NIPAL3: variants seen among roughly 807,000 people sequenced by gnomAD.
The protein encoded by NIPAL3 is NIPA-like protein 3.
In NIPAL3, 41 loss-of-function variants were observed where a neutral mutation model predicts 47.2. The observed-to-expected ratio is 0.87, with a 90% CI of 0.68 to 1.13. The LOEUF (loss-of-function observed/expected upper bound fraction) is 1.13, where lower values mean the gene tolerates loss of function less well. Among genes scored for constraint, NIPAL3 ranks in the 50% most tolerant of loss-of-function variants. The pLI is 0.00. For synonymous variants in NIPAL3, 194 were observed against 209.6 expected, an observed-to-expected ratio of 0.93 and a Z score of 0.64; for missense variants, 449 against 530.1, an observed-to-expected ratio of 0.85 and a Z score of 1.50.
rs1644211787 is a variant in NIPAL3, at chr1:24,419,461, A to T, written c.-87A>T. 1 of 1,442,750 alleles carries T rather than the reference A, an allele frequency of 6.9e-7. No individual in the cohort carries two copies. The highest frequency in any genetic ancestry group is 2.7e-5 in the East Asian group (1 of 37,276). 89.4% of individuals were successfully genotyped at this position (1,442,750 alleles called of 1,614,324 possible). A position where few individuals can be genotyped will look rare whatever the true frequency, so the allele number is the denominator to read the frequency against. ...GCTGCTGGAGGGAGGTGAACACCAC[A>T]AGGAGAGATGGCATCTGGCCTGGGC... On this transcript the variant is annotated 5_prime_UTR_variant, in exon 2 of 12. Transcript: ENST00000374399.
rs945036994 is a variant in NIPAL3 at position 24,454,473 on chromosome 1, A to G, written c.637+969A>G. 1.0e-6 allele frequency: 1 copy of G among 995,630 alleles called. No homozygotes were observed. Among genetic ancestry groups the G allele is most frequent in the African/African-American group, 1.7e-5 (1 of 57,354 alleles). The allele number at this position is 995,630 out of a possible 1,614,324, so 61.7% of individuals were successfully genotyped here. A position where few individuals can be genotyped will look rare whatever the true frequency, so the allele number is the denominator to read the frequency against. The stretch of plus-strand genomic sequence containing the variant: ...TGTGCATTTTTCTTCCAACCTTCCT[A>G]CTGTGTGCCCTACCACCGCCACAAG... On this transcript the variant is annotated intron_variant, in intron 7 of 11. Transcript: ENST00000374399. This position sits in a 1 kb window ranked among gnomAD's most constrained non-coding sequence, Gnocchi z 4.1.
rs369477340 is a variant in NIPAL3 at position 24,456,123 on chromosome 1, G to A, written c.638-15G>A. On this transcript the variant is annotated splice_polypyrimidine_tract_variant and intron_variant, in intron 7 of 11. Transcript: ENST00000374399. ...TCCCTGAGGCTCCCCATTCGCCCTT[G>A]TCTCCCATCTGCAGGCTCCATGACA... 32 of 1,613,994 alleles carry A rather than the reference G, an allele frequency of 2.0e-5. No homozygotes were observed. In the African/African-American group the frequency reaches 4.0e-4, roughly 20 times the overall value.
chr1:24,418,420 T>C (rs1644159233), intron 1 of NIPAL3, among the ~76,000 whole-genome samples: 1 of 151,998 alleles, frequency 6.6e-6, no homozygotes. Context: ...TGCTTGAGCC[T>C]AAGAGTTCAA....
chr1:24,427,948 G>C (rs1644671736), intron 2 of NIPAL3, among the ~76,000 whole-genome samples: 1 of 152,132 alleles, frequency 6.6e-6, no homozygotes. Context: ...GCAGGTCATA[G>C]AAACCACAAC....
intron 10 of NIPAL3, among the ~76,000 whole-genome samples, chr1:24,463,410 G>A (rs554728076): frequency 1.0e-3 from 159 of 152,278 alleles, no homozygotes; most frequent in Non-Finnish European, 1.8e-3. Flanking sequence ...GGGGATGGAC[G>A]TATTTTCTGT....
At chr1:24,443,409 TC>T (rs1185123632) in intron 4 of NIPAL3, among the ~76,000 whole-genome samples, 2 of 152,302 alleles carry the variant, frequency 1.3e-5, no homozygotes, top group Middle Eastern at 3.4e-3. Flanking sequence ...ATATTTTGGG[TC>T]TTATTCCTCC....
Position 24,471,010 on chromosome 1 carries a change from T to C in NIPAL3, c.*1825T>C, listed in dbSNP as rs1646882172. On this transcript the variant is annotated 3_prime_UTR_variant, in exon 12 of 12. Transcript: ENST00000374399. ...GGCACAAATACCCAGGAATCTCTGA[T>C]GGGTGTGAAGTGCGGTCGTGGGCCA... 1 of 152,320 alleles carries C rather than the reference T, an allele frequency of 6.6e-6. No homozygotes were observed. Among genetic ancestry groups the C allele is most frequent in the South Asian group, 2.1e-4 (1 of 4,822 alleles). The allele number at this position is 152,320 out of a possible 1,614,324, so 9.4% of individuals were successfully genotyped here.
At chr1:24,466,180 T>G in intron 11 of NIPAL3, 1 of 1,309,968 alleles carries the variant, frequency 7.6e-7, no homozygotes, top group Non-Finnish European at 1.1e-6. Flanking sequence ...CAGCCAGGCC[T>G]TGGCCCTTTC....
At chr1:24,434,845 CCAA>C (rs1645027402) in intron 2 of NIPAL3, among the ~76,000 whole-genome samples, 1 of 151,988 alleles carries the variant, frequency 6.6e-6, no homozygotes. Context: ...TCCTAAATAA[CCAA>C]CAAGTCAATG....
chr1:24,443,184 C>T (rs1645480816), intron 4 of NIPAL3, among the ~76,000 whole-genome samples: 1 of 151,824 alleles, frequency 6.6e-6, no homozygotes, highest in Admixed American at 6.6e-5. Context: ...AACTAAAAGA[C>T]AAGGGAGCTT....
chr1:24,416,414 C>T lies in NIPAL3; in HGVS notation c.-258+510C>T. The T allele has an allele frequency of 2.4e-6, 2 of 842,594 alleles. No homozygotes were observed. Among genetic ancestry groups the T allele is most frequent in the Non-Finnish European group, 2.9e-6 (2 of 699,568 alleles). 52.2% of individuals were successfully genotyped at this position (842,594 alleles called of 1,614,324 possible). ...CGCTCACCTCCAGAAGCCAGATCGT[C>T]GGGTGGTGGGAAAGAGCGTGTTTTA... On this transcript the variant is annotated intron_variant, in intron 1 of 11. Transcript: ENST00000374399. This position sits in a 1 kb window ranked among gnomAD's most constrained non-coding sequence, Gnocchi z 4.8.
chr1:24,439,580 A>G (rs1272901879), intron 2 of NIPAL3, among the ~76,000 whole-genome samples: 3 of 151,974 alleles, frequency 2.0e-5, no homozygotes, highest in African/African-American at 7.3e-5. Context: ...TGTCTAAGAT[A>G]TTATTATTTT....
chr1:24,432,355 A>G (rs1302723911), intron 2 of NIPAL3, among the ~76,000 whole-genome samples: 3 of 152,014 alleles, frequency 2.0e-5, no homozygotes, highest in Non-Finnish European at 4.4e-5. Context: ...TCGAACTCCC[A>G]ACCTCAGGTG....
intron 9 of NIPAL3, among the ~76,000 whole-genome samples, chr1:24,459,211 A>G (rs556142487): frequency 2.0e-5 from 3 of 152,334 alleles, no homozygotes; most frequent in Admixed American, 2.0e-4. Flanking sequence ...CATTCATAAA[A>G]TGGGAGTGAT....
At chr1:24,441,815 T>C (rs1645400068) in intron 3 of NIPAL3, among the ~76,000 whole-genome samples, 1 of 152,116 alleles carries the variant, frequency 6.6e-6, no homozygotes, top group Admixed American at 6.5e-5. Flanking sequence ...AGGTGGGTAT[T>C]TTGACAGAGC....
At chr1:24,455,101 C>T (rs769999338) in intron 7 of NIPAL3, among the ~76,000 whole-genome samples, 1 of 152,148 alleles carries the variant, frequency 6.6e-6, no homozygotes, top group Non-Finnish European at 1.5e-5. Flanking sequence ...AGAGACACTG[C>T]GTGTTGGGGG....
intron 2 of NIPAL3, among the ~76,000 whole-genome samples, chr1:24,427,953 C>T (rs1250820166): frequency 6.6e-6 from 1 of 152,148 alleles, no homozygotes; most frequent in Non-Finnish European, 1.5e-5. Flanking sequence ...TCATAGAAAC[C>T]ACAACCCCTG....
At position 24,456,188 on chromosome 1, in the gene NIPAL3, T is replaced by C. The variant is rs906270592; in HGVS notation, c.688T>C (p.Ser230Pro). Residue 230 changes from serine (S) to proline (P), a missense_variant, in exon 8 of 12, where the codon TCC becomes CCC. By Grantham distance (74) the Ser-to-Pro change is moderately conservative. Transcript: ENST00000374399. ...VKAVAGMLVL[S>P]IQGNLQLDYP... ...GGCCGTGGCTGGGATGCTTGTCTTG[T>C]CCATTCAAGGGAACCTGCAGCTTGA... is the stretch of plus-strand genomic sequence containing the variant. 1.9e-6 allele frequency: 3 copies of C among 1,614,212 alleles called. No individual in the cohort carries two copies. Among genetic ancestry groups the C allele is most frequent in the Non-Finnish European group, 2.5e-6 (3 of 1,180,024 alleles).
chr1:24,433,389 A>G (rs922431902), intron 2 of NIPAL3, among the ~76,000 whole-genome samples: 22 of 152,264 alleles, frequency 1.4e-4, no homozygotes, highest in East Asian at 5.8e-4. Context: ...GGGGTTGGGT[A>G]TGCTCTGCCT....
Sources: allele counts gnomAD v4.1 joint callset (sites outside exome capture counted in the v4.1 genomes callset), GRCh38; gene constraint gnomAD v4.1.1; non-coding constraint Gnocchi (gnomAD v3.1); transcripts MANE v1.5; gene names NCBI Gene and HGNC (gene_info 2026-07-23, HGNC 2026-07-21).